Variants in XRCC4 observed in about 807,000 individuals in gnomAD.
XRCC4 encodes DNA repair protein XRCC4.
Under a neutral mutation model 39.1 loss-of-function variants are expected in XRCC4, and 28 were observed. The ratio of observed to expected loss-of-function variants is 0.72; its 90% CI spans 0.53 to 0.98. The LOEUF (loss-of-function observed/expected upper bound fraction) is 0.98, where lower values mean the gene tolerates loss of function less well. Among genes scored for constraint, XRCC4 ranks in the 50% least tolerant of loss-of-function variants. The pLI, the probability that XRCC4 is intolerant of heterozygous loss-of-function variation, is 0.00. For missense variants in XRCC4, 350 were observed against 376.4 expected, an observed-to-expected ratio of 0.93 and a Z score of 0.58; for synonymous variants, 123 against 126.4, an observed-to-expected ratio of 0.97 and a Z score of 0.18.
intron 7 of XRCC4, among the ~76,000 whole-genome samples, chr5:83,272,132 A>G (rs1045955309): frequency 7.2e-5 from 11 of 152,208 alleles, no homozygotes; most frequent in African/African-American, 1.2e-4. Flanking sequence ...ATATAATTCT[A>G]TTTAACTCGA....
chr5:83,092,498 T>C (rs1745473778), intron 1 of XRCC4, among the ~76,000 whole-genome samples: 1 of 41,560 alleles, frequency 2.4e-5, no homozygotes, highest in Non-Finnish European at 5.1e-5. Flanking sequence ...TTCAGAATAT[T>C]TTTAGGATGG....
intron 7 of XRCC4, among the ~76,000 whole-genome samples, chr5:83,325,479 G>A (rs1276879122): frequency 1.3e-5 from 2 of 151,808 alleles, no homozygotes; most frequent in Admixed American, 1.3e-4. Context: ...CCCTCAACAG[G>A]CCCCATTGTG....
intron 3 of XRCC4, among the ~76,000 whole-genome samples, chr5:83,117,735 A>C (rs1746802919): frequency 7.2e-6 from 1 of 138,020 alleles, no homozygotes; most frequent in African/African-American, 2.6e-5. Context: ...TTTTTAAAAA[A>C]ATTAATTTAA....
intron 7 of XRCC4, among the ~76,000 whole-genome samples, chr5:83,346,318 T>C (rs16900343): frequency 0.089 from 13,508 of 152,172 alleles, 755 homozygotes; most frequent in African/African-American, 0.16. Context: ...CTTCCACAAA[T>C]GAAGAAACTG....
At chr5:83,339,920 T>C (rs1418705977) in intron 7 of XRCC4, among the ~76,000 whole-genome samples, 1 of 152,156 alleles carries the variant, frequency 6.6e-6, no homozygotes. Flanking sequence ...CTTGGATTGA[T>C]TGTTTGCTCA....
chr5:83,258,653 A>C lies in XRCC4; in HGVS notation c.869A>C (p.Glu290Ala). 6.2e-7 allele frequency: 1 copy of C among 1,610,982 alleles called. No individual in the cohort carries two copies. The highest frequency in any genetic ancestry group is 8.5e-7 in the Non-Finnish European group (1 of 1,178,890). The change falls in exon 7 of 8, where the codon GAG becomes GCG. Residue 290 changes from glutamate to alanine, a missense_variant. Transcript: ENST00000396027. ...ACAGAACCTAAAATGGCTCCTCAGGAGAATCAGCTTCAAGAAAAGGAAAAG... is the reference window on the plus strand; with the variant it reads ...ACAGAACCTAAAATGGCTCCTCAGGCGAATCAGCTTCAAGAAAAGGAAAAG... ...LGTEPKMAPQ[E>A]NQLQEKEKPD...
intron 7 of XRCC4, among the ~76,000 whole-genome samples, chr5:83,288,271 A>G (rs145001188): frequency 1.3e-3 from 195 of 151,962 alleles, no homozygotes; most frequent in African/African-American, 4.2e-3. Flanking sequence ...ATAAATGTCA[A>G]TTAATCAAGT....
At chr5:83,229,082 G>A (rs528416972) in intron 6 of XRCC4, among the ~76,000 whole-genome samples, 5 of 151,576 alleles carry the variant, frequency 3.3e-5, no homozygotes, top group South Asian at 2.1e-4. Context: ...ACCAAAAGAC[G>A]AATAAAATGA....
intron 3 of XRCC4, among the ~76,000 whole-genome samples, chr5:83,161,111 A>ATT (rs5869165): frequency 4.5e-4 from 64 of 143,092 alleles, no homozygotes; most frequent in Non-Finnish European, 5.6e-4. Flanking sequence ...AGTTCTTTTA[A>ATT]TTTTTTTTTT....
chr5:83,121,736 T>TA (rs1484453915), intron 3 of XRCC4, among the ~76,000 whole-genome samples: 2 of 152,170 alleles, frequency 1.3e-5, no homozygotes, highest in Non-Finnish European at 2.9e-5. Flanking sequence ...TTTCTTTTAT[T>TA]AATCATGCTT....
chr5:83,336,193 C>T (rs949173613), intron 7 of XRCC4, among the ~76,000 whole-genome samples: 2 of 152,018 alleles, frequency 1.3e-5, no homozygotes, highest in Non-Finnish European at 2.9e-5. Flanking sequence ...AGCCCAATAA[C>T]ATTTTGAAGG....
intron 6 of XRCC4, among the ~76,000 whole-genome samples, chr5:83,245,839 C>CT (rs1361558796): frequency 1.4e-5 from 2 of 140,792 alleles, no homozygotes; most frequent in African/African-American, 5.2e-5. Flanking sequence ...TCACTCCCCC[C>CT]CTCCATCTGT....
chr5:83,137,076 C>A (rs1477648248), intron 3 of XRCC4, among the ~76,000 whole-genome samples: 1 of 151,994 alleles, frequency 6.6e-6, no homozygotes, highest in East Asian at 1.9e-4. Context: ...CAAAAAAATC[C>A]AGTTTTTATT....
intron 6 of XRCC4, among the ~76,000 whole-genome samples, chr5:83,238,871 G>A (rs1187797359): frequency 6.6e-6 from 1 of 152,164 alleles, no homozygotes; most frequent in African/African-American, 2.4e-5. Context: ...GCTAAATAAT[G>A]TCAACTTTTC....
At position 83,309,296 on chromosome 5, in the gene XRCC4, AATATATATAT is replaced by A. The variant is rs1225850304; in HGVS notation, c.894-43819_894-43810del. ...AAAAAAAAAAAAAAAAAAAAAAAAA[AATATATATAT>A]ATATATATATATATAGGCTATGCTG... On this transcript the variant is annotated intron_variant, in intron 7 of 7. Transcript: ENST00000396027. Among the ~76,000 whole-genome samples, 25 of 72,232 alleles carry A rather than the reference AATATATATAT, an allele frequency of 3.5e-4. 1 individual carries two copies. The highest frequency in any genetic ancestry group is 2.3e-3 in the East Asian group (2 of 860). 47.4% of individuals were successfully genotyped at this position (72,232 alleles called of 152,430 possible).
chr5:83,369,182 C>A, the XRCC4 span, among the ~76,000 whole-genome samples: 1 of 152,080 alleles, frequency 6.6e-6, no homozygotes, highest in African/African-American at 2.4e-5. Flanking sequence ...AGAAACGGGA[C>A]CTTCACTGCA....
chr5:83,325,383 G>T (rs1395830725), intron 7 of XRCC4, among the ~76,000 whole-genome samples: 1 of 151,990 alleles, frequency 6.6e-6, no homozygotes, highest in Non-Finnish European at 1.5e-5. Flanking sequence ...TGCCATGGTG[G>T]TTTGCTGCAC....
At position 83,353,307 on chromosome 5, in the gene XRCC4, AAGG is replaced by A. The variant is rs1757140318; in HGVS notation, c.*68_*70del. The A allele has an allele frequency of 1.5e-6, 2 of 1,317,388 alleles. No homozygotes were observed. Among genetic ancestry groups the A allele is most frequent in the Non-Finnish European group, 2.1e-6 (2 of 954,072 alleles). 81.6% of individuals were successfully genotyped at this position (1,317,388 alleles called of 1,614,324 possible). On this transcript the variant is annotated 3_prime_UTR_variant, in exon 8 of 8. Transcript: ENST00000396027. Reference sequence around the variant, plus strand: ...TTCTATTCATTTCTTTAAAATGAAAAAGGAGAATTTCAAGTCAGCAGCCGCTAT... The same window carrying A: ...TTCTATTCATTTCTTTAAAATGAAAAAGAATTTCAAGTCAGCAGCCGCTAT...
chr5:83,338,172 C>T (rs750898512), intron 7 of XRCC4, among the ~76,000 whole-genome samples: 1 of 152,042 alleles, frequency 6.6e-6, no homozygotes, highest in African/African-American at 2.4e-5. Context: ...TTTTGTTATG[C>T]CAAGGAAATT....
Sources: gnomAD v4.1 joint callset for allele counts (sites outside exome capture counted in the v4.1 genomes callset) on GRCh38, gnomAD v4.1.1 for gene constraint, MANE v1.5 for transcripts, NCBI Gene and HGNC (gene_info 2026-07-23, HGNC 2026-07-21) for gene names.